Variants in GNAL observed in about 807,000 individuals in gnomAD.
GNAL encodes the protein G protein subunit alpha L.
GNAL carries 18 observed loss-of-function variants against 55.1 expected under a neutral mutation model. The ratio of observed to expected loss-of-function variants is 0.33; its 90% CI spans 0.23 to 0.48. The LOEUF is 0.48. Ranked by LOEUF, GNAL falls within the 20% of genes least tolerant of loss-of-function variation. The pLI is 0.99. For synonymous variants in GNAL, 253 were observed against 237.0 expected (o/e 1.07, Z -0.62); for missense variants, 412 against 614.1 (o/e 0.67, Z 3.48).
chr18:11,692,445 T>C (rs1466775323), intron 1 of GNAL, among the ~76,000 whole-genome samples: 4 of 152,226 alleles, frequency 2.6e-5, no homozygotes, highest in Non-Finnish European at 5.9e-5. Flanking sequence ...TCCCCTCCAG[T>C]GCTCACCTCC....
intron 1 of GNAL, among the ~76,000 whole-genome samples, chr18:11,700,990 G>A (rs1047783301): frequency 1.3e-5 from 2 of 152,208 alleles, no homozygotes; most frequent in Admixed American, 6.5e-5. Flanking sequence ...TCAGGAGCCC[G>A]CTCTGTGCCA....
chr18:11,718,945 C>T (rs1243951112), intron 1 of GNAL, among the ~76,000 whole-genome samples: 1 of 151,918 alleles, frequency 6.6e-6, no homozygotes, highest in Non-Finnish European at 1.5e-5. Context: ...CTTTATAAAG[C>T]AAATTTAATA....
At chr18:11,778,809 G>GT (rs986017152) in intron 4 of GNAL, among the ~76,000 whole-genome samples, 1 of 151,916 alleles carries the variant, frequency 6.6e-6, no homozygotes, top group African/African-American at 2.4e-5. Flanking sequence ...AAAACCATGA[G>GT]TGGGTCATGG....
At chr18:11,857,484 G>A (rs528861780) in intron 5 of GNAL, 1 of 985,462 alleles carries the variant, frequency 1.0e-6, no homozygotes. Flanking sequence ...AAGGGCTGGA[G>A]GCCACATTAA....
At chr18:11,787,599 G>A (rs147182710) in intron 4 of GNAL, among the ~76,000 whole-genome samples, 61 of 152,300 alleles carry the variant, frequency 4.0e-4, no homozygotes, top group African/African-American at 1.2e-3. Flanking sequence ...TTGGCCGGGC[G>A]CGGTGGCCCA....
chr18:11,851,384 C>G (rs1016067922), intron 5 of GNAL: 1 of 1,235,430 alleles, frequency 8.1e-7, no homozygotes, highest in Admixed American at 3.1e-5. Context: ...ACCACCTGCG[C>G]CGCTCACAGT....
intron 5 of GNAL, chr18:11,854,258 AATGCTTGTAT>A (rs2035951619): frequency 6.0e-6 from 1 of 167,088 alleles, no homozygotes; most frequent in Non-Finnish European, 1.5e-5. Context: ...GAGATTAAAC[AATGCTTGTAT>A]ATGCTTGAAC....
At chr18:11,803,188 C>T (rs143112188) in intron 4 of GNAL, among the ~76,000 whole-genome samples, 133 of 152,328 alleles carry the variant, frequency 8.7e-4, no homozygotes, top group African/African-American at 3.2e-3. Context: ...CCAGAACTTT[C>T]TCATCTTCCC....
chr18:11,805,694 T>C (rs1438752352), intron 4 of GNAL, among the ~76,000 whole-genome samples: 3 of 152,226 alleles, frequency 2.0e-5, no homozygotes, highest in African/African-American at 7.2e-5. Context: ...GATTTCACTT[T>C]TTTATGGCCA....
chr18:11,872,762 A>T (rs2036425602), intron 10 of GNAL, among the ~76,000 whole-genome samples: 2 of 152,140 alleles, frequency 1.3e-5, no homozygotes, highest in South Asian at 4.1e-4. Flanking sequence ...CCCTCAGATG[A>T]CCCTGCATGG....
intron 4 of GNAL, among the ~76,000 whole-genome samples, chr18:11,823,031 T>G (rs1295142684): frequency 6.6e-6 from 1 of 152,148 alleles, no homozygotes; most frequent in Non-Finnish European, 1.5e-5. Context: ...GTCTGTCGTG[T>G]CCAGAGAAAT....
At chr18:11,820,832 G>A (rs981680380) in intron 4 of GNAL, among the ~76,000 whole-genome samples, 2 of 152,174 alleles carry the variant, frequency 1.3e-5, no homozygotes, top group Admixed American at 1.3e-4. Context: ...GATTGTTGTC[G>A]CTTTTGTGTT....
intron 4 of GNAL, among the ~76,000 whole-genome samples, chr18:11,800,926 C>T (rs1395741807): frequency 6.6e-6 from 1 of 152,160 alleles, no homozygotes; most frequent in Non-Finnish European, 1.5e-5. Context: ...AAATACAACT[C>T]CCACTTGCAG....
At chr18:11,775,313 C>G (rs924912856) in intron 4 of GNAL, among the ~76,000 whole-genome samples, 1 of 152,234 alleles carries the variant, frequency 6.6e-6, no homozygotes, top group Non-Finnish European at 1.5e-5. Context: ...CATATGCACA[C>G]ACTGGGAGGA....
chr18:11,759,104 C>T (rs1192790185), intron 4 of GNAL, among the ~76,000 whole-genome samples: 4 of 151,582 alleles, frequency 2.6e-5, no homozygotes, highest in South Asian at 2.1e-4. Context: ...ACCCAGGAGG[C>T]GGAGGTTGCA....
At chr18:11,739,044 G>A (rs1433456993) in intron 1 of GNAL, among the ~76,000 whole-genome samples, 1 of 152,142 alleles carries the variant, frequency 6.6e-6, no homozygotes, top group Non-Finnish European at 1.5e-5. Flanking sequence ...GGTGTCCGCT[G>A]CCCACTGAAC....
chr18:11,754,998 A>G lies in GNAL; in HGVS notation c.624+1053A>G, dbSNP rs866448314. Among the ~76,000 whole-genome samples, 1,169 of 149,158 alleles carry G rather than the reference A, an allele frequency of 7.8e-3. 3 individuals are homozygous for G. Among genetic ancestry groups the G allele is most frequent in the African/African-American group, 0.012 (478 of 40,894 alleles). On this transcript the variant is annotated intron_variant, in intron 4 of 11. Coordinates refer to ENST00000334049, the MANE Select transcript of GNAL (RefSeq NM_182978.4). ...TACAGTGCACCAGAAGTGAGTGTGT[A>G]TGTGTGTGTGTGTGTGTGTGTGTGT...
At chr18:11,779,761 C>G (rs2033880177) in intron 4 of GNAL, among the ~76,000 whole-genome samples, 1 of 152,184 alleles carries the variant, frequency 6.6e-6, no homozygotes, top group Admixed American at 6.5e-5. Context: ...AAGATGCAGT[C>G]CCTGACCTGA....
chr18:11,871,987 C>T (rs2036408597), intron 9 of GNAL, among the ~76,000 whole-genome samples: 1 of 152,170 alleles, frequency 6.6e-6, no homozygotes, highest in Non-Finnish European at 1.5e-5. Flanking sequence ...GTCAAATGCT[C>T]CGACAAGCAT....
Sources: allele counts gnomAD v4.1 joint callset (sites outside exome capture counted in the v4.1 genomes callset), GRCh38; gene constraint gnomAD v4.1.1; transcripts MANE v1.5; gene names NCBI Gene and HGNC (gene_info 2026-07-23, HGNC 2026-07-21).